DNAH12: variants seen among roughly 807,000 people sequenced by gnomAD.
DNAH12 encodes axonemal beta dynein heavy chain 12.
In DNAH12, 285 loss-of-function variants were observed where a neutral mutation model predicts 371.5. The ratio of observed to expected loss-of-function variants is 0.77; its 90% CI spans 0.70 to 0.85. DNAH12 has a LOEUF of 0.85. Ranked by LOEUF, DNAH12 falls within the 40% of genes least tolerant of loss-of-function variation. The probability of loss-of-function intolerance (pLI) is 0.00; values close to 1 mark genes in which losing one functional copy is unlikely to be tolerated. For synonymous variants in DNAH12, 1,200 were observed against 1,213.0 expected, an observed-to-expected ratio of 0.99 and a Z score of 0.22; for missense variants, 3,611 against 3,689.4, an observed-to-expected ratio of 0.98 and a Z score of 0.55.
intron 4 of DNAH12, among the ~76,000 whole-genome samples, chr3:57,515,946 A>AT (rs939881680): frequency 3.1e-4 from 45 of 146,650 alleles, no homozygotes; most frequent in African/African-American, 1.1e-3. Context: ...CTAGATGGAC[A>AT]TTTTTTCTTT....
At chr3:57,355,434 T>A (rs1313444870) in intron 59 of DNAH12, among the ~76,000 whole-genome samples, 1 of 150,292 alleles carries the variant, frequency 6.7e-6, no homozygotes, top group Non-Finnish European at 1.5e-5. Context: ...TAACATCACA[T>A]GTTGAAGGGG....
chr3:57,394,526 T>C, intron 43 of DNAH12, among the ~76,000 whole-genome samples, 194 bp from the exon 44 acceptor site: 1 of 152,264 alleles, frequency 6.6e-6, no homozygotes, highest in African/African-American at 2.4e-5. Context: ...GGTCAGAGTT[T>C]CCCCAAAACC....
At chr3:57,386,332 A>G (rs963682950) in intron 47 of DNAH12, 109 bp downstream of exon 47, 11 of 152,236 alleles carry the variant, frequency 7.2e-5, no homozygotes, top group African/African-American at 1.9e-4. Context: ...TGTGAAAGAC[A>G]TAACAAAGAG....
intron 57 of DNAH12, among the ~76,000 whole-genome samples, chr3:57,364,599 C>T (rs895256906): frequency 4.6e-5 from 7 of 152,168 alleles, no homozygotes; most frequent in African/African-American, 1.7e-4. Context: ...GCAACTGCAA[C>T]AAAAACACAA....
rs2064861643 is a variant in DNAH12, at chr3:57,428,734, G to C, written c.5152C>G (p.Leu1718Val). ...TCTGGTTCACACAGAGGTCCTTTCA[G>C]TGAATTCAACCAAGAAGACACAAGT... ...EPLVSSWLNS[L>V]KGPLCEPEYQ... Residue 1718 changes from leucine (L) to valine (V), a missense_variant, in exon 34 of 74, where the codon CTG becomes GTG. Leu to Val is a conservative substitution (Grantham distance 32). This residue lies in a region of DNAH12 where 2,266 missense variants were observed against 2,236.9 expected (regional missense o/e 1.01). Transcript: ENST00000495027. The C allele has an allele frequency of 6.4e-7, 1 of 1,551,456 alleles. No homozygotes were observed.
chr3:57,403,387 T>C lies in DNAH12; in HGVS notation c.6870A>G (p.Thr2290=). The C allele has an allele frequency of 1.9e-6, 3 of 1,551,438 alleles. No individual in the cohort carries two copies. Among genetic ancestry groups the C allele is most frequent in the Non-Finnish European group, 2.6e-6 (3 of 1,146,836 alleles). The change falls in exon 43 of 74, where the codon ACA becomes ACG. Residue 2290 remains threonine, a synonymous_variant. Coordinates refer to ENST00000495027, the MANE Select transcript of DNAH12 (RefSeq NM_001366028.2). Reference sequence around the variant, plus strand: ...GGAAAATATGCATTTTTGCCATGGATGTAGCCAGACGAGTTAAAGATTGAC... The same window carrying C: ...GGAAAATATGCATTTTTGCCATGGACGTAGCCAGACGAGTTAAAGATTGAC... ...SGRQSLTRLA[T]SMAKMHIFQP...
chr3:57,334,068 G>A (rs948371740), intron 62 of DNAH12, among the ~76,000 whole-genome samples: 4 of 152,134 alleles, frequency 2.6e-5, no homozygotes, highest in Admixed American at 2.6e-4. Context: ...ATGGGAAAGG[G>A]ATTTGTAGCA....
intron 23 of DNAH12, among the ~76,000 whole-genome samples, chr3:57,453,729 A>T (rs1442883758): frequency 6.6e-6 from 1 of 152,018 alleles, no homozygotes; most frequent in East Asian, 1.9e-4. Context: ...ATGTGCCAGT[A>T]GGTCTGGCTA....
chr3:57,457,194 A>C (rs2065924999), intron 22 of DNAH12, among the ~76,000 whole-genome samples: 2 of 152,162 alleles, frequency 1.3e-5, no homozygotes, highest in Admixed American at 6.6e-5. Context: ...TCCCTGATTA[A>C]AATATTTAGA....
intron 25 of DNAH12, among the ~76,000 whole-genome samples, chr3:57,451,067 A>C (rs997921314): frequency 2.6e-5 from 4 of 152,238 alleles, no homozygotes; most frequent in African/African-American, 9.6e-5. Flanking sequence ...ACAACTGTAC[A>C]TCTGTTGAAA....
Position 57,446,102 on chromosome 3 carries a change from G to A in DNAH12, c.4108C>T (p.Pro1370Ser). The A allele has an allele frequency of 6.4e-7, 1 of 1,551,646 alleles. No homozygotes were observed. The highest frequency in any genetic ancestry group is 8.7e-7 in the Non-Finnish European group (1 of 1,146,992). Reference sequence around the variant, plus strand: ...ATGGTAATAGCTACAAAACAATTCGGATTGAGCTTAAGTTCTGTCCCTTCA... The same window carrying A: ...ATGGTAATAGCTACAAAACAATTCGAATTGAGCTTAAGTTCTGTCCCTTCA... ...VFEGTELKLN[P>S]NCFVAITMNP... Residue 1370 changes from proline to serine, a missense_variant, in exon 27 of 74, where the codon CCG becomes TCG. By Grantham distance (74) the Pro-to-Ser change is moderately conservative. Coordinates refer to ENST00000495027, the MANE Select transcript of DNAH12 (RefSeq NM_001366028.2).
intron 60 of DNAH12, among the ~76,000 whole-genome samples, chr3:57,347,670 G>A (rs1198062526): frequency 1.3e-5 from 2 of 148,640 alleles, no homozygotes; most frequent in Admixed American, 6.8e-5. Flanking sequence ...GAGCCAAGAC[G>A]AGATAGAGCC....
rs2064343711 is a variant in DNAH12, at chr3:57,415,526, G to A, written c.5753C>T (p.Ser1918Phe). The change falls in exon 38 of 74, where the codon TCT becomes TTT. Residue 1918 changes from serine to phenylalanine, a missense_variant. This residue lies in a region of DNAH12 where 2,266 missense variants were observed against 2,236.9 expected (regional missense o/e 1.01). Transcript: ENST00000495027. Reference sequence around the variant, plus strand: ...CATTAGCTTATCCTTCACATACACAGATTTTCCTGTACCCGTTGGACCCAC... The same window carrying A: ...CATTAGCTTATCCTTCACATACACAAATTTTCCTGTACCCGTTGGACCCAC... ...LFVGPTGTGK[S>F]VYVKDKLMNH... The A allele has an allele frequency of 1.9e-6, 3 of 1,550,128 alleles. No individual in the cohort carries two copies. Among genetic ancestry groups the A allele is most frequent in the Non-Finnish European group, 2.6e-6 (3 of 1,146,694 alleles).
chr3:57,297,660 G>C (rs2061261285), intron 70 of DNAH12, among the ~76,000 whole-genome samples: 1 of 151,894 alleles, frequency 6.6e-6, no homozygotes, highest in Admixed American at 6.6e-5. Flanking sequence ...CCGGCCCCCA[G>C]TTCCTTAACC....
chr3:57,404,167 C>T (rs907492680), intron 42 of DNAH12, among the ~76,000 whole-genome samples: 11 of 152,064 alleles, frequency 7.2e-5, no homozygotes, highest in African/African-American at 2.7e-4. Flanking sequence ...ATTTTCAAAG[C>T]CTTTTTTATA....
intron 36 of DNAH12, 73 bp from the exon 37 acceptor site, chr3:57,419,591 T>A (rs2064500860): frequency 9.1e-7 from 1 of 1,096,854 alleles, no homozygotes. Flanking sequence ...TTTCAACATG[T>A]ATACTATTAT....
intron 69 of DNAH12, among the ~76,000 whole-genome samples, chr3:57,308,255 C>A (rs1338202271): frequency 6.6e-6 from 1 of 152,144 alleles, no homozygotes; most frequent in Non-Finnish European, 1.5e-5. Context: ...CTCTCTCTGG[C>A]CTTCCCACCT....
chr3:57,455,977 T>C (rs2065892410), intron 22 of DNAH12, among the ~76,000 whole-genome samples: 1 of 152,178 alleles, frequency 6.6e-6, no homozygotes, highest in African/African-American at 2.4e-5. Context: ...CTAATGCAAA[T>C]TATATTTTCA....
rs1213148497 is a variant in DNAH12 at position 57,409,094 on chromosome 3, T to C, written c.6021-559A>G. Among the ~76,000 whole-genome samples the C allele has an allele frequency of 5.9e-5, 9 of 152,320 alleles. No individual in the cohort carries two copies. The East Asian group carries it at 9.6e-4, about 16-fold the overall frequency. ...GATAAAGATGTCTAAATAGGATCTA[T>C]ACATTTTGTTATAGAAAGGGACCCA... On this transcript the variant is annotated intron_variant, in intron 39 of 73. Coordinates refer to ENST00000495027, the MANE Select transcript of DNAH12 (RefSeq NM_001366028.2).
Sources: gnomAD v4.1 joint callset for allele counts (sites outside exome capture counted in the v4.1 genomes callset) on GRCh38, gnomAD v4.1.1 for gene constraint, gnomAD v4.1.1 regional missense constraint, MANE v1.5 for transcripts, NCBI Gene and HGNC (gene_info 2026-07-23, HGNC 2026-07-21) for gene names.